SETD2: variants seen among roughly 807,000 people sequenced by gnomAD.
SETD2 encodes the protein SET domain containing 2, histone lysine methyltransferase.
In SETD2, 31 loss-of-function variants were observed where a neutral mutation model predicts 242.1. That is an observed-to-expected ratio of 0.13 (90% confidence interval 0.10 to 0.17). The LOEUF is 0.17. SETD2 is among the 10% of genes least tolerant of loss of function. The pLI, the probability that SETD2 is intolerant of heterozygous loss-of-function variation, is 1.00. For synonymous variants in SETD2, 1,006 were observed against 1,066.5 expected, an observed-to-expected ratio of 0.94 and a Z score of 1.11; for missense variants, 2,481 against 3,046.3, an observed-to-expected ratio of 0.81 and a Z score of 4.37.
chr3:47,157,118 T>C (rs1048537215), intron 1 of SETD2, among the ~76,000 whole-genome samples: 7 of 151,856 alleles, frequency 4.6e-5, no homozygotes, highest in Admixed American at 2.6e-4. Context: ...ACAAAATTAG[T>C]TGGGCATGGT....
At chr3:47,036,513 CCAAAAAAAA>C (rs2039002035) in intron 18 of SETD2, among the ~76,000 whole-genome samples, 1 of 151,752 alleles carries the variant, frequency 6.6e-6, no homozygotes, top group African/African-American at 2.4e-5. Context: ...CAAGATCACA[CCAAAAAAAA>C]CAAAAAACAC....
At chr3:47,156,185 G>A (rs2044123468) in intron 1 of SETD2, among the ~76,000 whole-genome samples, 1 of 152,124 alleles carries the variant, frequency 6.6e-6, no homozygotes, top group Non-Finnish European at 1.5e-5. Context: ...TCCAAAACCT[G>A]ACAATGCTCA....
chr3:47,119,922 T>C (rs2043004502), intron 3 of SETD2: 1 of 434,044 alleles, frequency 2.3e-6, no homozygotes, highest in African/African-American at 2.0e-5. Flanking sequence ...CTAGCCTAAA[T>C]TGTACCTTGA....
chr3:47,036,009 AGTGT>A (rs2038978800), intron 18 of SETD2, among the ~76,000 whole-genome samples: 2 of 152,250 alleles, frequency 1.3e-5, no homozygotes, highest in South Asian at 4.1e-4. Flanking sequence ...ATTGAACGTA[AGTGT>A]GTATCTTTTT....
chr3:47,124,578 C>G lies in SETD2; in HGVS notation c.88-30G>C, dbSNP rs775285062. ...AAATGAACAAAATAAGCAATTACTA[C>G]TACAATAAATAGTTACTTTCAAATG... is the stretch of plus-strand genomic sequence containing the variant. On this transcript the variant is annotated intron_variant, in intron 2 of 20. Coordinates refer to ENST00000409792, the MANE Select transcript of SETD2 (RefSeq NM_014159.7). 29 of 1,504,198 alleles carry G rather than the reference C, an allele frequency of 1.9e-5. 1 individual carries two copies. Among genetic ancestry groups the G allele is most frequent in the Middle Eastern group, 1.7e-4 (1 of 5,766 alleles). The allele number at this position is 1,504,198 out of a possible 1,614,324, so 93.2% of individuals were successfully genotyped here.
chr3:47,089,662 A>G (rs1221061831), intron 9 of SETD2, among the ~76,000 whole-genome samples: 1 of 152,230 alleles, frequency 6.6e-6, no homozygotes, highest in Non-Finnish European at 1.5e-5. Context: ...TACAGGACAT[A>G]AAGATTCTTT....
chr3:47,080,895 C>T, intron 12 of SETD2: 1 of 986,974 alleles, frequency 1.0e-6, no homozygotes, highest in Non-Finnish European at 1.2e-6. Context: ...AGTGAGTTAA[C>T]CACCTCTGTC....
At position 47,122,252 on chromosome 3, in the gene SETD2, C is replaced by G. The variant is rs1168186509; in HGVS notation, c.2384G>C (p.Cys795Ser). 1 of 1,614,068 alleles carries G rather than the reference C, an allele frequency of 6.2e-7. No homozygotes were observed. The highest frequency in any genetic ancestry group is 1.1e-5 in the South Asian group (1 of 91,084). Residue 795 changes from cysteine (C) to serine (S), a missense_variant, in exon 3 of 21, where the codon TGT becomes TCT. Cys to Ser is a moderately radical substitution (Grantham distance 112). Transcript: ENST00000409792. ...AGAAGGGTTGCTATCGTTCAAAGTA[C>G]AGTATATGTCTGAATCTTTGGTTTT... The part of the protein sequence containing the change: ...CCKTKDSDIY[C>S]TLNDSNPSLC...
At chr3:47,089,672 T>C (rs1354105704) in intron 9 of SETD2, among the ~76,000 whole-genome samples, 1 of 152,200 alleles carries the variant, frequency 6.6e-6, no homozygotes, top group African/African-American at 2.4e-5. Context: ...AAAGATTCTT[T>C]CAAAGAATTT....
chr3:47,018,026 G>T (rs1037512173), intron 19 of SETD2, among the ~76,000 whole-genome samples: 2 of 152,166 alleles, frequency 1.3e-5, no homozygotes, highest in Non-Finnish European at 2.9e-5. Flanking sequence ...TCCTTCAGCA[G>T]CCCCAGGTTT....
intron 12 of SETD2, among the ~76,000 whole-genome samples, chr3:47,075,377 T>C (rs1352281622): frequency 1.3e-5 from 2 of 150,746 alleles, no homozygotes; most frequent in Non-Finnish European, 3.0e-5. Flanking sequence ...CTGACCAACA[T>C]GGAGAATCCC....
intron 11 of SETD2, among the ~76,000 whole-genome samples, chr3:47,085,742 T>C (rs1377046059): frequency 6.6e-6 from 1 of 152,266 alleles, no homozygotes; most frequent in Non-Finnish European, 1.5e-5. Context: ...ATGCTGCCAA[T>C]GAACCTTTAC....
chr3:47,107,720 C>CGGGGGGG (rs1184327932), intron 5 of SETD2, among the ~76,000 whole-genome samples: 1 of 129,770 alleles, frequency 7.7e-6, no homozygotes, highest in African/African-American at 2.8e-5. Flanking sequence ...CTTTGGGTGG[C>CGGGGGGG]GGGGGGGGGT....
chr3:47,101,237 T>C (rs1235308960), intron 8 of SETD2, among the ~76,000 whole-genome samples: 3 of 152,054 alleles, frequency 2.0e-5, no homozygotes, highest in Admixed American at 2.0e-4. Flanking sequence ...AAGTAGACCA[T>C]ATGAAGTTGA....
chr3:47,139,261 T>G (rs2043667952), intron 1 of SETD2, among the ~76,000 whole-genome samples: 1 of 152,194 alleles, frequency 6.6e-6, no homozygotes, highest in Admixed American at 6.5e-5. Flanking sequence ...CAGGGACCAC[T>G]AAAGCCTTTC....
At chr3:47,032,386 A>C (rs2038810012) in intron 18 of SETD2, among the ~76,000 whole-genome samples, 1 of 152,108 alleles carries the variant, frequency 6.6e-6, no homozygotes, top group Non-Finnish European at 1.5e-5. Flanking sequence ...TGGGTGGCTA[A>C]GACGGGAGGA....
chr3:47,137,002 T>G (rs1021727152), intron 1 of SETD2, among the ~76,000 whole-genome samples: 8 of 152,094 alleles, frequency 5.3e-5, no homozygotes, highest in African/African-American at 1.7e-4. Flanking sequence ...ATTTGGGTAA[T>G]GGGCACACTA....
At chr3:47,066,065 C>G (rs2040544448) in intron 13 of SETD2, among the ~76,000 whole-genome samples, 1 of 152,178 alleles carries the variant, frequency 6.6e-6, no homozygotes, top group African/African-American at 2.4e-5. Flanking sequence ...GACAGCAAGA[C>G]TAATCCCTCT....
At chr3:47,081,717 T>C (rs901497312) in intron 12 of SETD2, among the ~76,000 whole-genome samples, 2 of 152,154 alleles carry the variant, frequency 1.3e-5, no homozygotes, top group African/African-American at 2.4e-5. Flanking sequence ...TAAATGTTAA[T>C]TAGAATGATG....
Sources: allele counts gnomAD v4.1 joint callset (sites outside exome capture counted in the v4.1 genomes callset), GRCh38; gene constraint gnomAD v4.1.1; transcripts MANE v1.5; gene names NCBI Gene and HGNC (gene_info 2026-07-23, HGNC 2026-07-21).